NXPE2: variants seen among roughly 807,000 people sequenced by gnomAD.
NXPE2 encodes neurexophilin and PC-esterase domain family member 2.
Under a neutral mutation model 34.4 loss-of-function variants are expected in NXPE2, and 34 were observed. That is an observed-to-expected ratio of 0.99 (90% confidence interval 0.75 to 1.31). NXPE2 has a LOEUF of 1.31. Ranked by LOEUF, NXPE2 falls within the 40% of genes most tolerant of loss-of-function variation. The pLI, the probability that NXPE2 is intolerant of heterozygous loss-of-function variation, is 0.00. For synonymous variants in NXPE2, 235 were observed against 231.3 expected, an observed-to-expected ratio of 1.02 and a Z score of -0.15; for missense variants, 649 against 672.5, an observed-to-expected ratio of 0.97 and a Z score of 0.39.
At chr11:114,643,819 T>A in the NXPE2 span, among the ~76,000 whole-genome samples, 3 of 152,186 alleles carry the variant, frequency 2.0e-5, no homozygotes, top group African/African-American at 4.8e-5. Context: ...GGTAGCTTGA[T>A]GGGGATAGCA....
At chr11:114,606,464 C>A in the NXPE2 span, among the ~76,000 whole-genome samples, 1 of 150,170 alleles carries the variant, frequency 6.7e-6, no homozygotes, top group African/African-American at 2.5e-5. Context: ...AATGTGTTGC[C>A]TCTAGGGTAA....
chr11:114,635,454 A>C, the NXPE2 span, among the ~76,000 whole-genome samples: 1 of 151,614 alleles, frequency 6.6e-6, no homozygotes. Flanking sequence ...AATACCCTTT[A>C]TTTCCTTCTC....
the NXPE2 span, among the ~76,000 whole-genome samples, chr11:114,493,954 G>T: frequency 3.3e-5 from 5 of 151,782 alleles, no homozygotes; most frequent in African/African-American, 9.7e-5. Flanking sequence ...CATATTTGAA[G>T]GATTTTTTTG....
At chr11:114,561,380 G>A in the NXPE2 span, among the ~76,000 whole-genome samples, 68 of 152,224 alleles carry the variant, frequency 4.5e-4, 1 homozygote, top group East Asian at 0.012. Context: ...TATTGCATGT[G>A]TCAACAGTTC....
chr11:114,687,495 G>T (rs1448460445), intron 2 of NXPE2, among the ~76,000 whole-genome samples: 1 of 151,900 alleles, frequency 6.6e-6, no homozygotes. Flanking sequence ...TACCAGTACT[G>T]TGGTGTTTTG....
chr11:114,743,174 A>G, the NXPE2 span, among the ~76,000 whole-genome samples: 7 of 122,408 alleles, frequency 5.7e-5, no homozygotes, highest in African/African-American at 2.3e-4. Context: ...GGCAACTTAT[A>G]TTAATAGAAT....
chr11:114,746,963 C>T, the NXPE2 span, among the ~76,000 whole-genome samples: 1 of 150,918 alleles, frequency 6.6e-6, no homozygotes, highest in Admixed American at 6.6e-5. Context: ...ATTTCTGTGT[C>T]TTGTTGCCAT....
At chr11:114,619,164 C>A in the NXPE2 span, among the ~76,000 whole-genome samples, 2 of 151,430 alleles carry the variant, frequency 1.3e-5, no homozygotes, top group African/African-American at 4.9e-5. Context: ...ATAAGTATTG[C>A]CTCTAGGGTT....
the NXPE2 span, chr11:114,530,535 T>C: frequency 6.2e-7 from 1 of 1,613,978 alleles, no homozygotes; most frequent in Non-Finnish European, 8.5e-7. Flanking sequence ...ATTGTTGAAG[T>C]CCATCACCTT....
the NXPE2 span, among the ~76,000 whole-genome samples, chr11:114,604,726 T>G: frequency 2.0e-5 from 3 of 151,968 alleles, no homozygotes; most frequent in Non-Finnish European, 4.4e-5. Context: ...GGGTAACCAC[T>G]GTTACTCGGT....
At chr11:114,581,382 G>C in the NXPE2 span, among the ~76,000 whole-genome samples, 1 of 152,118 alleles carries the variant, frequency 6.6e-6, no homozygotes, top group Non-Finnish European at 1.5e-5. Context: ...TATGGGAAGA[G>C]GTGATGGGAG....
At chr11:114,573,196 C>A in the NXPE2 span, among the ~76,000 whole-genome samples, 4 of 152,058 alleles carry the variant, frequency 2.6e-5, no homozygotes, top group Admixed American at 1.3e-4. Context: ...ACAATAACTA[C>A]TAAAAGGAGC....
the NXPE2 span, among the ~76,000 whole-genome samples, chr11:114,494,757 G>A: frequency 6.6e-6 from 1 of 152,202 alleles, no homozygotes; most frequent in Non-Finnish European, 1.5e-5. Context: ...CTTGACGCAT[G>A]TGGATGTTCT....
At chr11:114,801,672 A>ATGT in the NXPE2 span, among the ~76,000 whole-genome samples, 1 of 922 alleles carries the variant, frequency 1.1e-3, no homozygotes, top group African/African-American at 1.4e-3. Context: ...GAAGAAAAGG[A>ATGT]GAAGAAAAGG....
chr11:114,582,512 C>T, the NXPE2 span: 1 of 1,614,166 alleles, frequency 6.2e-7, no homozygotes, highest in Non-Finnish European at 8.5e-7. Context: ...CAGTGAAGAT[C>T]ACCCTGTCAT....
chr11:114,672,679 A>G, the NXPE2 span, among the ~76,000 whole-genome samples: 27,303 of 151,864 alleles, frequency 0.18, 2,777 homozygotes, highest in Non-Finnish European at 0.22. Context: ...TGGACAAAAT[A>G]GACTTTAAAA....
chr11:114,784,058 C>G, the NXPE2 span, among the ~76,000 whole-genome samples: 1 of 152,218 alleles, frequency 6.6e-6, no homozygotes, highest in Non-Finnish European at 1.5e-5. Context: ...TACAAAGTAG[C>G]CTCAAGGTCA....
At chr11:114,636,953 G>C in the NXPE2 span, among the ~76,000 whole-genome samples, 5 of 152,250 alleles carry the variant, frequency 3.3e-5, no homozygotes, top group East Asian at 9.6e-4. Flanking sequence ...ATTTGGGGTG[G>C]AGAGTTCTGT....
chr11:114,695,836 C>CACACACACACACACAA (rs1176258705), intron 2 of NXPE2, among the ~76,000 whole-genome samples: 2 of 146,648 alleles, frequency 1.4e-5, no homozygotes, highest in Non-Finnish European at 3.0e-5. Context: ...ACTAAACACA[C>CACACACACACACACAA]ACACACACAC....
Sources: gnomAD v4.1 joint callset for allele counts (sites outside exome capture counted in the v4.1 genomes callset) on GRCh38, gnomAD v4.1.1 for gene constraint, MANE v1.5 for transcripts, NCBI Gene and HGNC (gene_info 2026-07-23, HGNC 2026-07-21) for gene names.